The following NRXN1 variants were observed in gnomAD, a reference collection of about 807,000 sequenced individuals.
NRXN1 encodes the protein neurexin 1, also known as neurexin-1.
Under a neutral mutation model 150.9 loss-of-function variants are expected in NRXN1, and 39 were observed. That is an observed-to-expected ratio of 0.26 (90% CI 0.20 to 0.34). NRXN1 has a LOEUF of 0.34. Among genes scored for constraint, NRXN1 ranks in the 10% least tolerant of loss-of-function variants. The pLI, the probability that NRXN1 is intolerant of heterozygous loss-of-function variation, is 1.00. For missense variants in NRXN1, 1,815 were observed against 1,949.9 expected (o/e 0.93, Z 1.30); for synonymous variants, 924 against 757.0 (o/e 1.22, Z -3.62).
intron 5 of NRXN1, among the ~76,000 whole-genome samples, chr2:50,860,197 T>G (rs960866877): frequency 1.3e-5 from 2 of 151,894 alleles, no homozygotes; most frequent in African/African-American, 4.8e-5. Flanking sequence ...CTTGTGCCAG[T>G]TGCTTTGTTG....
At chr2:50,516,096 A>C (rs1484961466) in intron 12 of NRXN1, among the ~76,000 whole-genome samples, 1 of 152,188 alleles carries the variant, frequency 6.6e-6, no homozygotes, top group Non-Finnish European at 1.5e-5. Context: ...TTTTCACAAG[A>C]ATCAGCTAGA....
intron 5 of NRXN1, among the ~76,000 whole-genome samples, chr2:50,686,045 C>A (rs1267387267): frequency 6.6e-6 from 1 of 152,228 alleles, no homozygotes; most frequent in African/African-American, 2.4e-5. Flanking sequence ...TGAACTGATT[C>A]TCTTTCTGCT....
At chr2:50,266,534 A>AAT (rs200240605) in intron 17 of NRXN1, among the ~76,000 whole-genome samples, 14,101 of 105,512 alleles carry the variant, frequency 0.13, 753 homozygotes, top group South Asian at 0.17. Flanking sequence ...TATGTATATA[A>AAT]ATACACACAC....
At chr2:50,797,471 A>G (rs1164360712) in intron 5 of NRXN1, among the ~76,000 whole-genome samples, 1 of 152,184 alleles carries the variant, frequency 6.6e-6, no homozygotes, top group Non-Finnish European at 1.5e-5. Flanking sequence ...TTAAAAACAC[A>G]GAACAGCATT....
At chr2:50,166,103 C>T (rs2059664210) in intron 18 of NRXN1, among the ~76,000 whole-genome samples, 1 of 152,104 alleles carries the variant, frequency 6.6e-6, no homozygotes, top group Admixed American at 6.6e-5. Flanking sequence ...TAATCTGAAA[C>T]TTTGCAGCCA....
intron 18 of NRXN1, among the ~76,000 whole-genome samples, chr2:50,163,270 T>C (rs1317886936): frequency 6.6e-6 from 1 of 151,650 alleles, no homozygotes; most frequent in Middle Eastern, 3.2e-3. Context: ...AGACGTCCAA[T>C]GATACACGGT....
intron 8 of NRXN1, among the ~76,000 whole-genome samples, chr2:50,570,173 A>C (rs1670451412): frequency 6.6e-6 from 1 of 152,156 alleles, no homozygotes; most frequent in Non-Finnish European, 1.5e-5. Context: ...GTCTTTTAGA[A>C]ACAAGATAGA....
chr2:51,004,304 T>G (rs1031760944), intron 2 of NRXN1, among the ~76,000 whole-genome samples: 8 of 152,000 alleles, frequency 5.3e-5, no homozygotes, highest in Non-Finnish European at 2.9e-5. Context: ...AAAACAGTTA[T>G]AGCAGCCAAT....
At chr2:50,451,332 TG>T (rs1178953620) in intron 17 of NRXN1, among the ~76,000 whole-genome samples, 1 of 152,214 alleles carries the variant, frequency 6.6e-6, no homozygotes, top group Non-Finnish European at 1.5e-5. Context: ...AAAGTATAAA[TG>T]TTTTCCTGGT....
At chr2:50,428,519 TA>T (rs2084685763) in intron 17 of NRXN1, among the ~76,000 whole-genome samples, 1 of 152,232 alleles carries the variant, frequency 6.6e-6, no homozygotes, top group Non-Finnish European at 1.5e-5. Context: ...TAAATACATT[TA>T]AATTGTTCTA....
intron 19 of NRXN1, among the ~76,000 whole-genome samples, chr2:50,073,258 T>C (rs1420153432): frequency 6.6e-6 from 1 of 152,208 alleles, no homozygotes; most frequent in Non-Finnish European, 1.5e-5. Flanking sequence ...AAATCATGTG[T>C]TATCTGCAAC....
intron 5 of NRXN1, among the ~76,000 whole-genome samples, chr2:50,743,369 A>C (rs1027468814): frequency 6.6e-6 from 1 of 152,192 alleles, no homozygotes; most frequent in Admixed American, 6.5e-5. Context: ...AGGGTGGCAA[A>C]CTAAATACAG....
chr2:50,379,107 G>A (rs1295155255), intron 17 of NRXN1, among the ~76,000 whole-genome samples: 1 of 151,754 alleles, frequency 6.6e-6, no homozygotes, highest in Non-Finnish European at 1.5e-5. Context: ...ACAGAGGAGA[G>A]GGATAGAAAG....
intron 5 of NRXN1, among the ~76,000 whole-genome samples, chr2:50,655,671 G>T (rs867248165): frequency 6.6e-6 from 1 of 151,164 alleles, no homozygotes; most frequent in East Asian, 1.9e-4. Context: ...TTCTTTTGGG[G>T]GGGGAGGGAA....
At chr2:50,359,128 G>C (rs1280219722) in intron 17 of NRXN1, among the ~76,000 whole-genome samples, 1 of 152,152 alleles carries the variant, frequency 6.6e-6, no homozygotes, top group African/African-American at 2.4e-5. Flanking sequence ...ACCAAAGGTA[G>C]ACAAATCCAC....
intron 21 of NRXN1, among the ~76,000 whole-genome samples, chr2:49,987,521 C>T (rs1681136061): frequency 6.6e-6 from 1 of 152,108 alleles, no homozygotes; most frequent in Non-Finnish European, 1.5e-5. Context: ...TTAGGTATCA[C>T]TTTACAGCAT....
chr2:50,577,600 T>A (rs745464404), intron 8 of NRXN1, among the ~76,000 whole-genome samples: 3 of 152,032 alleles, frequency 2.0e-5, no homozygotes, highest in Non-Finnish European at 2.9e-5. Flanking sequence ...AAAATGCCAA[T>A]AAAGGAGAAT....
intron 17 of NRXN1, among the ~76,000 whole-genome samples, chr2:50,404,929 T>A (rs1233925599): frequency 2.0e-5 from 3 of 152,044 alleles, no homozygotes; most frequent in Non-Finnish European, 4.4e-5. Context: ...AGGGTGCACC[T>A]CTCTTAGGCT....
At chr2:50,791,995 A>C (rs984658046) in intron 5 of NRXN1, among the ~76,000 whole-genome samples, 3 of 152,150 alleles carry the variant, frequency 2.0e-5, no homozygotes, top group African/African-American at 7.2e-5. Flanking sequence ...GGGCATTATG[A>C]ATAGTTAAGC....
Sources: allele counts gnomAD v4.1 joint callset (sites outside exome capture counted in the v4.1 genomes callset), GRCh38; gene constraint gnomAD v4.1.1; transcripts MANE v1.5; gene names NCBI Gene and HGNC (gene_info 2026-07-23, HGNC 2026-07-21).